NCKAP5: variants seen among roughly 807,000 people sequenced by gnomAD.
NCKAP5 encodes nck-associated protein 5.
In NCKAP5, 92 loss-of-function variants were observed where a neutral mutation model predicts 167.0. The ratio of observed to expected loss-of-function variants is 0.55; its 90% confidence interval spans 0.47 to 0.66. The LOEUF (loss-of-function observed/expected upper bound fraction) is 0.66. Among genes scored for constraint, NCKAP5 ranks in the 30% least tolerant of loss-of-function variants. The pLI is 0.00. For synonymous variants in NCKAP5, 891 were observed against 877.4 expected (o/e 1.02, Z -0.27); for missense variants, 2,378 against 2,315.0 (o/e 1.03, Z -0.56).
intron 3 of NCKAP5, among the ~76,000 whole-genome samples, chr2:133,386,362 TTGAG>T (rs1686965943): frequency 1.3e-5 from 2 of 152,264 alleles, no homozygotes; most frequent in South Asian, 4.1e-4. Flanking sequence ...GCAGTTTTGA[TTGAG>T]TTTCTTAATC....
intron 6 of NCKAP5, chr2:133,122,115 C>T (rs1357852428): frequency 6.6e-6 from 1 of 152,040 alleles, no homozygotes; most frequent in Non-Finnish European, 1.5e-5. Flanking sequence ...AGAACTGGTC[C>T]AGGACATGAA....
the NCKAP5 span, among the ~76,000 whole-genome samples, chr2:133,609,797 T>C: frequency 6.6e-6 from 1 of 152,230 alleles, no homozygotes; most frequent in Non-Finnish European, 1.5e-5. Context: ...CCATCAAAAA[T>C]ATTAGGAACA....
chr2:133,024,427 T>G (rs1290798777), intron 6 of NCKAP5, among the ~76,000 whole-genome samples: 1 of 152,174 alleles, frequency 6.6e-6, no homozygotes, highest in Non-Finnish European at 1.5e-5. Flanking sequence ...TGCAATCAAA[T>G]TATGAATCTG....
the NCKAP5 span, among the ~76,000 whole-genome samples, chr2:133,644,933 C>CA: frequency 4.0e-5 from 6 of 151,534 alleles, no homozygotes; most frequent in South Asian, 2.1e-4. Context: ...AATGAGATCA[C>CA]AAAAAAAATG....
chr2:132,891,830 G>A (rs1443781097), intron 8 of NCKAP5, among the ~76,000 whole-genome samples: 1 of 152,242 alleles, frequency 6.6e-6, no homozygotes, highest in Non-Finnish European at 1.5e-5. Context: ...TTCCTAGGAG[G>A]AGAGTAAGAT....
At chr2:133,622,197 T>C in the NCKAP5 span, among the ~76,000 whole-genome samples, 5 of 152,106 alleles carry the variant, frequency 3.3e-5, no homozygotes, top group Non-Finnish European at 7.4e-5. Context: ...GGGGAAAACT[T>C]GAAAGCACTC....
chr2:133,317,196 A>G (rs1057322061), intron 3 of NCKAP5, among the ~76,000 whole-genome samples: 3 of 152,078 alleles, frequency 2.0e-5, no homozygotes, highest in African/African-American at 7.3e-5. Context: ...TGGAAGTCAG[A>G]AAGAAGTTTC....
intron 8 of NCKAP5, among the ~76,000 whole-genome samples, chr2:132,887,371 C>CCATT (rs879607267): frequency 1.3e-5 from 2 of 151,660 alleles, no homozygotes; most frequent in African/African-American, 2.4e-5. Flanking sequence ...ATCTTTCCAT[C>CCATT]CATCCATCCA....
At position 132,705,450 on chromosome 2, in the gene NCKAP5, T is replaced by C. The variant is rs2105278483; in HGVS notation, c.5713+20177A>G. Among the ~76,000 whole-genome samples the C allele has an allele frequency of 1.3e-5, 2 of 152,290 alleles. 1 individual carries two copies. Among genetic ancestry groups the C allele is most frequent in the South Asian group, 4.1e-4 (2 of 4,826 alleles). On this transcript the variant is annotated intron_variant, in intron 19 of 19. Transcript: ENST00000409261. Reference sequence around the variant, plus strand: ...CCTGTCAAGATCTCCAATGACTCCATATTACACGAAAGGTTAATTCTCAGT... The same window carrying C: ...CCTGTCAAGATCTCCAATGACTCCACATTACACGAAAGGTTAATTCTCAGT...
intron 3 of NCKAP5, among the ~76,000 whole-genome samples, chr2:133,468,971 C>A (rs893684769): frequency 2.0e-5 from 3 of 152,044 alleles, no homozygotes; most frequent in South Asian, 2.1e-4. Flanking sequence ...TCCAATTTGC[C>A]AGTCTGTGTC....
At chr2:133,066,943 A>G (rs2080219507) in intron 6 of NCKAP5, among the ~76,000 whole-genome samples, 1 of 152,262 alleles carries the variant, frequency 6.6e-6, no homozygotes, top group Admixed American at 6.5e-5. Flanking sequence ...GTTAGCAGTT[A>G]TAACATTCAA....
intron 6 of NCKAP5, among the ~76,000 whole-genome samples, chr2:133,077,427 G>GT (rs1324777980): frequency 6.6e-6 from 1 of 152,172 alleles, no homozygotes; most frequent in Non-Finnish European, 1.5e-5. Flanking sequence ...CCCTGTTCCG[G>GT]TAGCTTAGAT....
In NCKAP5 at chr2:132,672,890, G is replaced by T; in HGVS notation, c.*399C>A. On this transcript the variant is annotated 3_prime_UTR_variant, in exon 20 of 20. Coordinates refer to ENST00000409261, the MANE Select transcript of NCKAP5 (RefSeq NM_207363.3). Reference sequence around the variant, plus strand: ...AGAAATAAGCTCTGGTGGGTTGCCTGCTGTGAATTTGACAAGGAAGGCTCT... The same window carrying T: ...AGAAATAAGCTCTGGTGGGTTGCCTTCTGTGAATTTGACAAGGAAGGCTCT... The T allele has an allele frequency of 3.4e-6, 3 of 877,826 alleles. No individual in the cohort carries two copies. Among genetic ancestry groups the T allele is most frequent in the Non-Finnish European group, 4.1e-6 (3 of 730,192 alleles). The allele number at this position is 877,826 out of a possible 1,614,324, so 54.4% of individuals were successfully genotyped here. A position where few individuals can be genotyped will look rare whatever the true frequency, so the allele number is the denominator to read the frequency against.
chr2:132,884,130 G>A (rs562462076), intron 8 of NCKAP5, among the ~76,000 whole-genome samples: 51 of 152,218 alleles, frequency 3.4e-4, no homozygotes, highest in East Asian at 2.1e-3. Flanking sequence ...GGCTGAATCC[G>A]TTTTAACAAA....
chr2:132,861,061 A>C (rs1440783446), intron 10 of NCKAP5, among the ~76,000 whole-genome samples: 1 of 152,162 alleles, frequency 6.6e-6, no homozygotes, highest in Non-Finnish European at 1.5e-5. Context: ...TGTGAAAACA[A>C]GTTGAAATTC....
intron 5 of NCKAP5, among the ~76,000 whole-genome samples, chr2:133,185,737 G>C (rs2084919822): frequency 6.6e-6 from 1 of 151,938 alleles, no homozygotes; most frequent in Non-Finnish European, 1.5e-5. Context: ...AAATGGGGTT[G>C]TATTCTTGAT....
At chr2:133,148,217 G>A (rs2083268225) in intron 5 of NCKAP5, among the ~76,000 whole-genome samples, 1 of 152,008 alleles carries the variant, frequency 6.6e-6, no homozygotes, top group Non-Finnish European at 1.5e-5. Context: ...TAGGGTTACG[G>A]GCAATATGGA....
At chr2:133,181,262 A>G (rs970068297) in intron 5 of NCKAP5, among the ~76,000 whole-genome samples, 4 of 152,070 alleles carry the variant, frequency 2.6e-5, no homozygotes, top group Admixed American at 1.3e-4. Flanking sequence ...TGACACTGAT[A>G]TACTTCTTAG....
chr2:133,618,631 C>T, the NCKAP5 span, among the ~76,000 whole-genome samples: 6 of 151,942 alleles, frequency 3.9e-5, no homozygotes, highest in African/African-American at 9.7e-5. Context: ...GTTAGAATGG[C>T]GATCATTAAA....
Sources: gnomAD v4.1 joint callset for allele counts (sites outside exome capture counted in the v4.1 genomes callset) on GRCh38, gnomAD v4.1.1 for gene constraint, MANE v1.5 for transcripts, NCBI Gene and HGNC (gene_info 2026-07-23, HGNC 2026-07-21) for gene names.